The following WEE2 variants were observed in gnomAD, a reference collection of about 807,000 sequenced individuals.
WEE2 encodes WEE2 oocyte meiosis inhibiting kinase.
WEE2 carries 50 observed loss-of-function variants against 60.1 expected under a neutral mutation model. That is an observed-to-expected ratio of 0.83 (90% CI 0.66 to 1.05). WEE2 has a LOEUF of 1.05. WEE2 is among the 50% of genes least tolerant of loss of function. The pLI is 0.00. For synonymous variants in WEE2, 240 were observed against 241.0 expected, an observed-to-expected ratio of 1.00 and a Z score of 0.04; for missense variants, 631 against 684.3, an observed-to-expected ratio of 0.92 and a Z score of 0.87.
intron 2 of WEE2, among the ~76,000 whole-genome samples, chr7:141,714,642 G>C (rs1476131038): frequency 6.6e-6 from 1 of 152,208 alleles, no homozygotes; most frequent in Admixed American, 6.5e-5. Flanking sequence ...GGATAAGACA[G>C]AATAAGCAAT....
At position 141,725,013 on chromosome 7, in the gene WEE2, T is replaced by G; in HGVS notation, c.1222-13T>G. The G allele has an allele frequency of 1.2e-6, 2 of 1,610,010 alleles. No homozygotes were observed. The highest frequency in any genetic ancestry group is 2.2e-5 in the South Asian group (2 of 90,506). On this transcript the variant is annotated splice_polypyrimidine_tract_variant and intron_variant, in intron 8 of 11. Transcript: ENST00000397541. ...TGGCATAGTAACTGGCCTTCCTGTCTTCTGTTTTGAAGGATTACCGGCACC... is the reference window on the plus strand; with the variant it reads ...TGGCATAGTAACTGGCCTTCCTGTCGTCTGTTTTGAAGGATTACCGGCACC...
intron 10 of WEE2, among the ~76,000 whole-genome samples, chr7:141,728,661 T>C (rs1180892142): frequency 6.6e-6 from 1 of 152,092 alleles, no homozygotes; most frequent in East Asian, 1.9e-4. Flanking sequence ...CATCTTGAAA[T>C]TGTCTAGACC....
chr7:141,716,307 A>G, intron 3 of WEE2, 40 bp downstream of exon 3: 5 of 1,588,924 alleles, frequency 3.1e-6, no homozygotes, highest in Non-Finnish European at 3.4e-6. Flanking sequence ...CAATATAGGC[A>G]GTTTATCCTA....
chr7:141,727,547 T>C, intron 10 of WEE2, 101 bp downstream of exon 10: 1 of 1,430,490 alleles, frequency 7.0e-7, no homozygotes, highest in South Asian at 1.4e-5. Context: ...AGTATAAATA[T>C]ATTCACCATT....
At chr7:141,714,137 A>G (rs1247450448) in intron 1 of WEE2, 72 bp from the exon 2 acceptor site, 12 of 1,304,118 alleles carry the variant, frequency 9.2e-6, no homozygotes, top group Non-Finnish European at 1.3e-5. Flanking sequence ...AGATTCAAAT[A>G]TTAACTAGCT....
At chr7:141,726,233 C>T (rs1002257680) in intron 9 of WEE2, among the ~76,000 whole-genome samples, 1 of 152,000 alleles carries the variant, frequency 6.6e-6, no homozygotes, top group African/African-American at 2.4e-5. Context: ...CCCAAAACAG[C>T]CTTAGAAATA....
intron 8 of WEE2, 63 bp downstream of exon 8, chr7:141,724,338 G>A: frequency 2.1e-6 from 3 of 1,397,552 alleles, no homozygotes; most frequent in South Asian, 1.2e-5. Context: ...TCAAATGGAG[G>A]ATCTCAGTGC....
At position 141,723,374 on chromosome 7, in the gene WEE2, A is replaced by G. The variant is rs533809643; in HGVS notation, c.1027+94A>G. ...TCTGTATGTCTATCAAGTGTCAAGG[A>G]CGGTGTTTGCTGGCAGAACCCCTTT... On this transcript the variant is annotated intron_variant, in intron 6 of 11. Coordinates refer to ENST00000397541, the MANE Select transcript of WEE2 (RefSeq NM_001105558.1). The G allele has an allele frequency of 6.5e-6, 9 of 1,386,750 alleles. No homozygotes were observed. The Admixed American group carries it at 1.1e-4, about 17-fold the overall frequency. 85.9% of individuals were successfully genotyped at this position (1,386,750 alleles called of 1,614,324 possible).
chr7:141,717,773 A>G lies in WEE2; in HGVS notation c.586-1299A>G, dbSNP rs138864580. Among the ~76,000 whole-genome samples the G allele has an allele frequency of 1.9e-3, 291 of 152,296 alleles. 1 individual carries two copies. Among genetic ancestry groups the G allele is most frequent in the African/African-American group, 6.3e-3 (263 of 41,566 alleles). ...TAGGCTAAGGAAGTAAATAACTTTT[A>G]ATGCTATCAAGGCAGGAGAACAGAG... On this transcript the variant is annotated intron_variant, in intron 3 of 11. Coordinates refer to ENST00000397541, the MANE Select transcript of WEE2 (RefSeq NM_001105558.1).
At position 141,709,004 on chromosome 7, in the gene WEE2, G is replaced by A; in HGVS notation, c.246G>A (p.Arg82=). 1.2e-6 allele frequency: 2 copies of A among 1,614,074 alleles called. No homozygotes were observed. Among genetic ancestry groups the A allele is most frequent in the Non-Finnish European group, 1.7e-6 (2 of 1,180,010 alleles). Residue 82 remains arginine, a synonymous_variant, in exon 1 of 12, where the codon AGG becomes AGA. Coordinates refer to ENST00000397541, the MANE Select transcript of WEE2 (RefSeq NM_001105558.1). ...AAGAAAGTCCAGATCAGATTTTGAGGACTCCAGTGTCACACCCTCTCAAAT... is the reference window on the plus strand; with the variant it reads ...AAGAAAGTCCAGATCAGATTTTGAGAACTCCAGTGTCACACCCTCTCAAAT... ...KDKESPDQIL[R]TPVSHPLKCP... is the part of the protein sequence containing the mutation.
In WEE2 at chr7:141,730,340, C is replaced by T. The variant is rs1799116739; in HGVS notation, c.*20C>T. 2.5e-6 allele frequency: 4 copies of T among 1,612,066 alleles called. No individual in the cohort carries two copies. Among genetic ancestry groups the T allele is most frequent in the Non-Finnish European group, 3.4e-6 (4 of 1,178,882 alleles). On this transcript the variant is annotated 3_prime_UTR_variant, in exon 12 of 12. Coordinates refer to ENST00000397541, the MANE Select transcript of WEE2 (RefSeq NM_001105558.1). ...CATTAAAGGAAGAAAAGGAAAACAG[C>T]CCTTGGTTTGGCCTATGGATTACGA...
intron 9 of WEE2, among the ~76,000 whole-genome samples, chr7:141,726,539 T>A (rs1799021523): frequency 6.6e-6 from 1 of 152,238 alleles, no homozygotes; most frequent in Non-Finnish European, 1.5e-5. Context: ...TCCTTCCTTT[T>A]GTTCAGTCTA....
intron 3 of WEE2, among the ~76,000 whole-genome samples, chr7:141,718,765 GAGA>G (rs1360181029): frequency 6.6e-6 from 1 of 152,158 alleles, no homozygotes; most frequent in East Asian, 1.9e-4. Flanking sequence ...CTCTGGGAGT[GAGA>G]AGTTGTGTCC....
chr7:141,717,902 T>C (rs1282299142), intron 3 of WEE2, among the ~76,000 whole-genome samples: 5 of 151,902 alleles, frequency 3.3e-5, no homozygotes, highest in Non-Finnish European at 2.9e-5. Flanking sequence ...AAGTAGTGAG[T>C]GCGCAGTTGG....
chr7:141,719,803 C>G (rs2117113809), intron 4 of WEE2, among the ~76,000 whole-genome samples: 1 of 152,250 alleles, frequency 6.6e-6, no homozygotes, highest in Non-Finnish European at 1.5e-5. Flanking sequence ...TTACTTTCTA[C>G]TGCTGGTCTT....
chr7:141,724,529 C>T (rs1183481944), intron 8 of WEE2, among the ~76,000 whole-genome samples: 2 of 152,188 alleles, frequency 1.3e-5, no homozygotes, highest in Non-Finnish European at 2.9e-5. Context: ...TCTTAGACTT[C>T]CTAACCTCAT....
intron 1 of WEE2, among the ~76,000 whole-genome samples, chr7:141,709,523 C>CT (rs1475130451): frequency 6.6e-6 from 1 of 152,044 alleles, no homozygotes; most frequent in African/African-American, 2.4e-5. Flanking sequence ...TTGGCCTAGT[C>CT]TATTGTTCTT....
In WEE2 at chr7:141,709,045, C is replaced by A; in HGVS notation, c.287C>A (p.Ala96Asp). The A allele has an allele frequency of 6.2e-7, 1 of 1,614,114 alleles. No homozygotes were observed. Among genetic ancestry groups the A allele is most frequent in the Non-Finnish European group, 8.5e-7 (1 of 1,180,022 alleles). ...CCTCTCAAATGTCCTGAGACACCAG[C>A]CCAACCAGACAGCAGGAGCAAGCTG... ...SHPLKCPETP[A>D]QPDSRSKLLP... Residue 96 changes from alanine to aspartate, a missense_variant, in exon 1 of 12, where the codon GCC (alanine) becomes GAC (aspartate). Ala to Asp is a moderately radical substitution (Grantham distance 126, BLOSUM62 -2). Transcript: ENST00000397541.
chr7:141,730,357 G>A lies in WEE2; in HGVS notation c.*37G>A. On this transcript the variant is annotated 3_prime_UTR_variant, in exon 12 of 12. Coordinates refer to ENST00000397541, the MANE Select transcript of WEE2 (RefSeq NM_001105558.1). ...GAAAACAGCCCTTGGTTTGGCCTAT[G>A]GATTACGAGGTTGCTGTTGCTGATT... 1.2e-6 allele frequency: 2 copies of A among 1,603,408 alleles called. No individual in the cohort carries two copies. Among genetic ancestry groups the A allele is most frequent in the East Asian group, 2.2e-5 (1 of 44,668 alleles).
Sources: gnomAD v4.1 joint callset for allele counts (sites outside exome capture counted in the v4.1 genomes callset) on GRCh38, gnomAD v4.1.1 for gene constraint, MANE v1.5 for transcripts, NCBI Gene and HGNC (gene_info 2026-07-23, HGNC 2026-07-21) for gene names.